RPS6KC1: variants seen among roughly 807,000 people sequenced by gnomAD.
RPS6KC1 encodes inactive ribosomal protein S6 kinase delta-1.
RPS6KC1 carries 54 observed loss-of-function variants against 103.8 expected under a neutral mutation model. The observed-to-expected ratio is 0.52, with a 90% confidence interval of 0.42 to 0.65. The LOEUF is 0.65. Among genes scored for constraint, RPS6KC1 ranks in the 30% least tolerant of loss-of-function variants. RPS6KC1 has a pLI of 0.00. For synonymous variants in RPS6KC1, 439 were observed against 438.7 expected (o/e 1.00, Z -0.01); for missense variants, 1,151 against 1,253.8 (o/e 0.92, Z 1.24).
rs556926213 is a variant in RPS6KC1 at position 213,125,253 on chromosome 1, T to C, written c.473-4274T>C. Among the ~76,000 whole-genome samples the C allele has an allele frequency of 2.0e-5, 3 of 152,256 alleles. No homozygotes were observed. In the East Asian group the frequency reaches 5.8e-4, roughly 29 times the overall value. On this transcript the variant is annotated intron_variant, in intron 5 of 14. Coordinates refer to ENST00000366960, the MANE Select transcript of RPS6KC1 (RefSeq NM_012424.6). ...TGTTTGTTTTTAAAGTAGAATTAAGTATACATACTCATTTGTAGTTTGTTG... is the reference window on the plus strand; with the variant it reads ...TGTTTGTTTTTAAAGTAGAATTAAGCATACATACTCATTTGTAGTTTGTTG...
chr1:213,554,915 T>C, the RPS6KC1 span, among the ~76,000 whole-genome samples: 1 of 152,224 alleles, frequency 6.6e-6, no homozygotes, highest in Non-Finnish European at 1.5e-5. Flanking sequence ...GAATTTCTAC[T>C]GCTGACTTAG....
At chr1:213,258,062 A>AC (rs1217259049) in intron 12 of RPS6KC1, among the ~76,000 whole-genome samples, 2 of 151,720 alleles carry the variant, frequency 1.3e-5, no homozygotes, top group Non-Finnish European at 1.5e-5. Context: ...GCTCACTGCA[A>AC]CCTCTGCCTC....
At chr1:213,630,539 T>C in the RPS6KC1 span, among the ~76,000 whole-genome samples, 1 of 152,198 alleles carries the variant, frequency 6.6e-6, no homozygotes, top group Non-Finnish European at 1.5e-5. Context: ...CTCCTTTAGC[T>C]CGGAGTAGTT....
At chr1:213,285,064 G>A in the RPS6KC1 span, among the ~76,000 whole-genome samples, 1,293 of 152,284 alleles carry the variant, frequency 8.5e-3, 18 homozygotes, top group African/African-American at 0.029. Context: ...ATAACAAAGC[G>A]CCATAGACTG....
At chr1:213,100,077 C>G (rs1313302218) in intron 3 of RPS6KC1, among the ~76,000 whole-genome samples, 1 of 152,166 alleles carries the variant, frequency 6.6e-6, no homozygotes, top group African/African-American at 2.4e-5. Context: ...ATATTCCCAT[C>G]AACAATGTAT....
chr1:213,410,107 G>A, the RPS6KC1 span, among the ~76,000 whole-genome samples: 1 of 152,150 alleles, frequency 6.6e-6, no homozygotes, highest in Non-Finnish European at 1.5e-5. Flanking sequence ...GTGAGCTGTG[G>A]TCATGCCACT....
intron 6 of RPS6KC1, among the ~76,000 whole-genome samples, chr1:213,134,116 C>T (rs987069902): frequency 3.9e-5 from 6 of 151,974 alleles, no homozygotes; most frequent in African/African-American, 7.2e-5. Context: ...AATTGAGTGA[C>T]GGCCCTTCAA....
the RPS6KC1 span, among the ~76,000 whole-genome samples, chr1:213,682,401 G>C: frequency 6.6e-6 from 1 of 152,124 alleles, no homozygotes; most frequent in African/African-American, 2.4e-5. Context: ...CACGTCTTCT[G>C]CCAGGCACCC....
chr1:213,079,152 A>G, intron 3 of RPS6KC1, among the ~76,000 whole-genome samples: 1 of 152,274 alleles, frequency 6.6e-6, no homozygotes, highest in African/African-American at 2.4e-5. Context: ...TAATTTTAAT[A>G]TGTACATAGT....
At chr1:213,767,283 G>A in the RPS6KC1 span, among the ~76,000 whole-genome samples, 2 of 152,150 alleles carry the variant, frequency 1.3e-5, no homozygotes, top group East Asian at 1.9e-4. Flanking sequence ...TTTTCCCAGG[G>A]CATATGCCAT....
chr1:213,693,162 C>T, the RPS6KC1 span, among the ~76,000 whole-genome samples: 1 of 152,212 alleles, frequency 6.6e-6, no homozygotes, highest in Non-Finnish European at 1.5e-5. Context: ...AATCTATTCT[C>T]AGCAGCCTTC....
At chr1:213,075,976 CT>C (rs766993737) in intron 2 of RPS6KC1, among the ~76,000 whole-genome samples, 4 of 152,142 alleles carry the variant, frequency 2.6e-5, no homozygotes, top group Non-Finnish European at 4.4e-5. Context: ...TGGACTGCCC[CT>C]CTCAGCATTT....
chr1:213,299,323 G>T, the RPS6KC1 span, among the ~76,000 whole-genome samples: 72 of 152,302 alleles, frequency 4.7e-4, no homozygotes, highest in African/African-American at 1.7e-3. Context: ...GCCAAGGCAG[G>T]TGGATCACAT....
the RPS6KC1 span, among the ~76,000 whole-genome samples, chr1:213,637,847 T>C: frequency 1.3e-5 from 2 of 152,026 alleles, no homozygotes; most frequent in African/African-American, 4.8e-5. Flanking sequence ...TTTTAGGTAG[T>C]GTCTCACTCG....
the RPS6KC1 span, among the ~76,000 whole-genome samples, chr1:213,437,247 T>A: frequency 6.6e-6 from 1 of 152,092 alleles, no homozygotes; most frequent in African/African-American, 2.4e-5. Flanking sequence ...TAAATGTTTT[T>A]TCTGCATCTA....
At chr1:213,140,519 G>T (rs2086889300) in intron 6 of RPS6KC1, among the ~76,000 whole-genome samples, 1 of 152,030 alleles carries the variant, frequency 6.6e-6, no homozygotes, top group Non-Finnish European at 1.5e-5. Flanking sequence ...CCTTCGATGA[G>T]TAGTTCATTG....
At chr1:213,724,797 G>T in the RPS6KC1 span, among the ~76,000 whole-genome samples, 1 of 152,160 alleles carries the variant, frequency 6.6e-6, no homozygotes. Context: ...TTACTAACAA[G>T]TACTTACATT....
the RPS6KC1 span, among the ~76,000 whole-genome samples, chr1:213,401,756 G>T: frequency 6.6e-6 from 1 of 152,026 alleles, no homozygotes; most frequent in East Asian, 1.9e-4. Flanking sequence ...TGTTTCTTGA[G>T]TGTATTTTTT....
At chr1:213,557,678 G>A in the RPS6KC1 span, among the ~76,000 whole-genome samples, 1 of 152,128 alleles carries the variant, frequency 6.6e-6, no homozygotes, top group African/African-American at 2.4e-5. Flanking sequence ...GGAGTATGTG[G>A]TCTCCATTTG....
Sources: gnomAD v4.1 joint callset for allele counts (sites outside exome capture counted in the v4.1 genomes callset) on GRCh38, gnomAD v4.1.1 for gene constraint, MANE v1.5 for transcripts, NCBI Gene and HGNC (gene_info 2026-07-23, HGNC 2026-07-21) for gene names.